Variants in GRIK3 observed in about 807,000 individuals in gnomAD.
GRIK3 encodes the protein glutamate receptor ionotropic, kainate 3.
A neutral mutation model predicts 102.5 loss-of-function variants in GRIK3; 29 were observed. The ratio of observed to expected loss-of-function variants is 0.28; its 90% CI spans 0.21 to 0.39. GRIK3 has a LOEUF of 0.39. Among genes scored for constraint, GRIK3 ranks in the 10% least tolerant of loss-of-function variants. GRIK3 has a pLI of 1.00. For synonymous variants in GRIK3, 511 were observed against 504.9 expected (o/e 1.01, Z -0.16); for missense variants, 908 against 1,252.4 (o/e 0.73, Z 4.15).
At chr1:36,900,887 G>A (rs115203904) in intron 1 of GRIK3, among the ~76,000 whole-genome samples, 1,652 of 152,172 alleles carry the variant, frequency 0.011, 28 homozygotes, top group African/African-American at 0.036. Context: ...TACAGATCTC[G>A]TGGACATTAA....
At chr1:36,916,991 G>C (rs926156316) in intron 1 of GRIK3, among the ~76,000 whole-genome samples, 4 of 152,210 alleles carry the variant, frequency 2.6e-5, no homozygotes, top group African/African-American at 9.7e-5. Context: ...GACACTCAAT[G>C]CTGACCCATG....
chr1:36,977,996 G>A (rs1209046426), intron 1 of GRIK3, among the ~76,000 whole-genome samples: 9 of 152,236 alleles, frequency 5.9e-5, no homozygotes, highest in African/African-American at 9.6e-5. Context: ...CACTGTGTCC[G>A]CTGATTATGG....
At chr1:36,960,438 A>G (rs1386516134) in intron 1 of GRIK3, among the ~76,000 whole-genome samples, 2 of 152,230 alleles carry the variant, frequency 1.3e-5, no homozygotes, top group Non-Finnish European at 2.9e-5. Context: ...TACTTACTCA[A>G]TAAACATCAC....
At chr1:36,932,931 G>A (rs1284286434) in intron 1 of GRIK3, among the ~76,000 whole-genome samples, 1 of 152,288 alleles carries the variant, frequency 6.6e-6, no homozygotes, top group East Asian at 1.9e-4. Context: ...AAGAGGTCAT[G>A]GAGAACCCCA....
chr1:36,961,250 A>G (rs1642005606), intron 1 of GRIK3, among the ~76,000 whole-genome samples: 1 of 152,156 alleles, frequency 6.6e-6, no homozygotes, highest in South Asian at 2.1e-4. Context: ...CTCCCTCCAC[A>G]ATCCTGCCTG....
At chr1:36,811,255 A>G (rs1211698592) in intron 13 of GRIK3, among the ~76,000 whole-genome samples, 5 of 152,036 alleles carry the variant, frequency 3.3e-5, no homozygotes. Context: ...GGGGAGAAAA[A>G]TCTCTATAGT....
chr1:36,815,661 G>A lies in GRIK3; in HGVS notation c.2091+1399C>T, dbSNP rs76701901. 9.3e-3 allele frequency among the ~76,000 whole-genome samples: 1,423 copies of A among 152,262 alleles called. 17 individuals carry two copies. Among genetic ancestry groups the A allele is most frequent in the African/African-American group, 0.031 (1,287 of 41,536 alleles). ...CAGAACCTGGACCAGCAGCTGCAGC[G>A]TCACTTTGGAACTTTTTAGAAATGC... On this transcript the variant is annotated intron_variant, in intron 13 of 15. Coordinates refer to ENST00000373091, the MANE Select transcript of GRIK3 (RefSeq NM_000831.4).
chr1:37,010,190 A>C (rs1570863474), intron 1 of GRIK3, among the ~76,000 whole-genome samples: 1 of 152,128 alleles, frequency 6.6e-6, no homozygotes, highest in South Asian at 2.1e-4. Context: ...TGGACACGTC[A>C]CCCAAGCCGG....
intron 1 of GRIK3, among the ~76,000 whole-genome samples, chr1:36,939,418 C>A (rs1364284676): frequency 6.6e-6 from 1 of 152,236 alleles, no homozygotes; most frequent in East Asian, 1.9e-4. Flanking sequence ...TACGTTGACA[C>A]AAGCTGGCAC....
chr1:36,873,964 G>T (rs1640872780), intron 3 of GRIK3, among the ~76,000 whole-genome samples: 1 of 152,172 alleles, frequency 6.6e-6, no homozygotes, highest in Non-Finnish European at 1.5e-5. Flanking sequence ...AAGTAGCAAA[G>T]AAGTCCTAAT....
intron 1 of GRIK3, among the ~76,000 whole-genome samples, chr1:36,910,215 TCA>T (rs1211208482): frequency 1.3e-5 from 2 of 152,196 alleles, no homozygotes; most frequent in African/African-American, 4.8e-5. Context: ...CAGAAGACAT[TCA>T]CGCTCCCAGC....
Position 36,817,126 on chromosome 1 carries a change from G to A in GRIK3, c.2025C>T (p.Asp675=), listed in dbSNP as rs1421821158. 1 of 1,614,036 alleles carries A rather than the reference G, an allele frequency of 6.2e-7. No homozygotes were observed. The highest frequency in any genetic ancestry group is 1.7e-5 in the Admixed American group (1 of 59,996). ...ACTCGATTTTGGTTTGCTTGGCCAGGTCATCAGCAGAGTCAATGGGTGATT... is the reference window on the plus strand; with the variant it reads ...ACTCGATTTTGGTTTGCTTGGCCAGATCATCAGCAGAGTCAATGGGTGATT... ...RMESPIDSAD[D]LAKQTKIEYG... The change falls in exon 13 of 16, where the codon GAC becomes GAT. Residue 675 remains aspartate (D), a synonymous_variant. Coordinates refer to ENST00000373091, the MANE Select transcript of GRIK3 (RefSeq NM_000831.4).
intron 1 of GRIK3, among the ~76,000 whole-genome samples, chr1:36,914,355 G>A (rs1223159912): frequency 6.6e-6 from 1 of 152,190 alleles, no homozygotes; most frequent in Non-Finnish European, 1.5e-5. Context: ...TCTTTAAGTT[G>A]AGAAAACTAG....
chr1:37,024,844 C>T (rs1642751522), intron 1 of GRIK3, among the ~76,000 whole-genome samples: 1 of 151,672 alleles, frequency 6.6e-6, no homozygotes, highest in South Asian at 2.1e-4. Context: ...AATCCATGAG[C>T]TTATCCTCAA....
chr1:36,878,842 CATGAA>C (rs1640936270), intron 3 of GRIK3, among the ~76,000 whole-genome samples: 1 of 152,186 alleles, frequency 6.6e-6, no homozygotes, highest in African/African-American at 2.4e-5. Context: ...ATGAGATTTA[CATGAA>C]ATGAAATAAG....
intron 1 of GRIK3, among the ~76,000 whole-genome samples, chr1:36,935,492 C>T (rs1232034647): frequency 3.9e-5 from 6 of 152,058 alleles, no homozygotes; most frequent in Non-Finnish European, 8.8e-5. Context: ...AACTGGGGTC[C>T]TATGACCGCT....
chr1:36,847,776 GA>G (rs770037572), intron 9 of GRIK3, among the ~76,000 whole-genome samples: 2 of 152,192 alleles, frequency 1.3e-5, no homozygotes, highest in Non-Finnish European at 2.9e-5. Flanking sequence ...TCAAAGCCAG[GA>G]CTCCACCCCA....
At position 36,860,026 on chromosome 1, in the gene GRIK3, A is replaced by G. The variant is rs758229804; in HGVS notation, c.787-9T>C. The G allele has an allele frequency of 2.5e-6, 4 of 1,569,830 alleles. No individual in the cohort carries two copies. The Admixed American group carries it at 7.3e-5, about 29-fold the overall frequency. ...TCTAAAGCGTAGAGATCCTGGATAG[A>G]GAGAGGTCTGTGTAAACCAAGGCAT... On this transcript the variant is annotated splice_polypyrimidine_tract_variant and intron_variant, in intron 5 of 15. Transcript: ENST00000373091.
intron 1 of GRIK3, among the ~76,000 whole-genome samples, chr1:36,991,420 T>A (rs1642362138): frequency 6.6e-6 from 1 of 152,014 alleles, no homozygotes; most frequent in Admixed American, 6.6e-5. Context: ...AACCACAGAG[T>A]AGGCCAACAG....
Sources: gnomAD v4.1 joint callset for allele counts (sites outside exome capture counted in the v4.1 genomes callset) on GRCh38, gnomAD v4.1.1 for gene constraint, MANE v1.5 for transcripts, NCBI Gene and HGNC (gene_info 2026-07-23, HGNC 2026-07-21) for gene names.